PCDHGA5: variants seen among roughly 807,000 people sequenced by gnomAD.
PCDHGA5 encodes the protein protocadherin gamma subfamily A, 5.
A neutral mutation model predicts 56.7 loss-of-function variants in PCDHGA5; 36 were observed. The ratio of observed to expected loss-of-function variants is 0.64; its 90% confidence interval spans 0.49 to 0.84. PCDHGA5 has a LOEUF of 0.84. Among genes scored for constraint, PCDHGA5 ranks in the 40% least tolerant of loss-of-function variants. The pLI, the probability that PCDHGA5 is intolerant of heterozygous loss-of-function variation, is 0.00. For synonymous variants in PCDHGA5, 563 were observed against 520.2 expected (o/e 1.08, Z -1.12); for missense variants, 1,305 against 1,201.5 (o/e 1.09, Z -1.27).
chr5:141,418,669 C>G, intron 1 of PCDHGA5: 1 of 1,614,018 alleles, frequency 6.2e-7, no homozygotes, highest in Non-Finnish European at 8.5e-7. Flanking sequence ...CTGACCAGGA[C>G]GAGGGCATCA....
Position 141,365,163 on chromosome 5 carries a change from C to T in PCDHGA5, c.833C>T (p.Thr278Ile), listed in dbSNP as rs1383856831. 6.2e-7 allele frequency: 1 copy of T among 1,613,918 alleles called. No homozygotes were observed. The highest frequency in any genetic ancestry group is 1.1e-5 in the South Asian group (1 of 91,080). The change falls in exon 1 of 4, where the codon ACC (threonine) becomes ATC (isoleucine). Residue 278 changes from threonine (T) to isoleucine (I), a missense_variant. Coordinates refer to ENST00000518069, the MANE Select transcript of PCDHGA5 (RefSeq NM_018918.3). ...GATGAGGGAATAAACGGGAAATTGA[C>T]CTACTCTTTTCGCAATGAAGAAGAA... is the stretch of plus-strand genomic sequence containing the variant. ...DPDEGINGKL[T>I]YSFRNEEEKI...
intron 1 of PCDHGA5, chr5:141,409,921 G>T (rs767370997): frequency 6.2e-7 from 1 of 1,613,404 alleles, no homozygotes; most frequent in Admixed American, 1.7e-5. Context: ...ACGGCTCCGC[G>T]TTCTTCGATA....
intron 1 of PCDHGA5, chr5:141,475,966 A>T (rs1252698069): frequency 2.3e-6 from 2 of 888,664 alleles, no homozygotes; most frequent in Admixed American, 5.2e-5. Flanking sequence ...GGGATGAGGC[A>T]GAGACTGAAC....
chr5:141,506,742 A>G (rs1475692668), intron 3 of PCDHGA5, among the ~76,000 whole-genome samples: 5 of 152,172 alleles, frequency 3.3e-5, no homozygotes, highest in Non-Finnish European at 7.3e-5. Context: ...AATGCCTATT[A>G]ATAAAGACTA....
intron 2 of PCDHGA5, among the ~76,000 whole-genome samples, chr5:141,504,621 T>A (rs1185981312): frequency 7.9e-6 from 1 of 126,856 alleles, no homozygotes; most frequent in Non-Finnish European, 1.6e-5. Flanking sequence ...GATAGGAAAG[T>A]GCACCTTGGA....
rs779871354 is a variant in PCDHGA5 at position 141,428,131 on chromosome 5, G to A, written c.2421+61380G>A. 8.7e-6 allele frequency: 14 copies of A among 1,602,720 alleles called. No homozygotes were observed. The South Asian group carries it at 1.5e-4, about 18-fold the overall frequency. On this transcript the variant is annotated intron_variant, in intron 1 of 3. Transcript: ENST00000518069. ...CAGGCCATCGAGCCCGGGCTTTTCA[G>A]CCTGGGGCTGCACACGGGAACCTGC...
chr5:141,368,427 C>T (rs1228865676), intron 1 of PCDHGA5, among the ~76,000 whole-genome samples: 1 of 151,790 alleles, frequency 6.6e-6, no homozygotes, highest in Non-Finnish European at 1.5e-5. Context: ...ACATTCTGAC[C>T]AAAATGTAAA....
chr5:141,439,625 CCA>C (rs1281773200), intron 1 of PCDHGA5, among the ~76,000 whole-genome samples: 1 of 152,150 alleles, frequency 6.6e-6, no homozygotes, highest in African/African-American at 2.4e-5. Flanking sequence ...GAGCCAATCC[CCA>C]GACATTCCGG....
rs192201180 is a variant in PCDHGA5 at position 141,364,242 on chromosome 5, G to T, written c.-89G>T. On this transcript the variant is annotated 5_prime_UTR_variant, in exon 1 of 4. Coordinates refer to ENST00000518069, the MANE Select transcript of PCDHGA5 (RefSeq NM_018918.3). ...AAGCCAACGCTCCACGCCCATTTTCGTCAGGGAATATGTACCCATCGGCTT... is the reference window on the plus strand; with the variant it reads ...AAGCCAACGCTCCACGCCCATTTTCTTCAGGGAATATGTACCCATCGGCTT... 1.4e-6 allele frequency: 2 copies of T among 1,451,340 alleles called. No individual in the cohort carries two copies. Among genetic ancestry groups the T allele is most frequent in the South Asian group, 3.0e-5 (2 of 65,994 alleles). 89.9% of individuals were successfully genotyped at this position (1,451,340 alleles called of 1,614,324 possible). A position where few individuals can be genotyped will look rare whatever the true frequency, so the allele number is the denominator to read the frequency against.
intron 1 of PCDHGA5, among the ~76,000 whole-genome samples, chr5:141,474,250 A>G (rs2099346141): frequency 6.6e-6 from 1 of 152,236 alleles, no homozygotes; most frequent in East Asian, 1.9e-4. Flanking sequence ...GGGGAAAAAA[A>G]GACTGATAAA....
At chr5:141,375,035 G>A (rs541605714) in intron 1 of PCDHGA5, 1 of 1,614,008 alleles carries the variant, frequency 6.2e-7, no homozygotes, top group East Asian at 2.2e-5. Flanking sequence ...TTATGAGCTG[G>A]GTGTTGAAGC....
chr5:141,372,689 T>C (rs1465173410), intron 1 of PCDHGA5: 1 of 1,614,032 alleles, frequency 6.2e-7, no homozygotes. Flanking sequence ...ACACCGAGTT[T>C]AAATTTCTCA....
chr5:141,425,243 G>T (rs2096863760), intron 1 of PCDHGA5, among the ~76,000 whole-genome samples: 1 of 152,132 alleles, frequency 6.6e-6, no homozygotes, highest in Non-Finnish European at 1.5e-5. Flanking sequence ...AAATAAAAAG[G>T]ATATGAGGTA....
At position 141,505,908 on chromosome 5, in the gene PCDHGA5, T is replaced by C. The variant is rs114551975; in HGVS notation, c.2569+427T>C. On this transcript the variant is annotated intron_variant, in intron 3 of 3. Coordinates refer to ENST00000518069, the MANE Select transcript of PCDHGA5 (RefSeq NM_018918.3). ...TTAAATGAGATGATACCACAAAGCATAGAGTTCTGGGCCTGGCGCTTGGAA... is the reference window on the plus strand; with the variant it reads ...TTAAATGAGATGATACCACAAAGCACAGAGTTCTGGGCCTGGCGCTTGGAA... 4.0e-3 allele frequency among the ~76,000 whole-genome samples: 608 copies of C among 152,218 alleles called. 3 individuals are homozygous for C. The highest frequency in any genetic ancestry group is 0.013 in the African/African-American group (551 of 41,540).
At chr5:141,423,501 C>T (rs2096747990) in intron 1 of PCDHGA5, 1 of 1,613,990 alleles carries the variant, frequency 6.2e-7, no homozygotes, top group Non-Finnish European at 8.5e-7. Context: ...CCCACGAGGT[C>T]TCTCTCATTG....
At chr5:141,418,316 A>G in intron 1 of PCDHGA5, 1 of 1,614,026 alleles carries the variant, frequency 6.2e-7, no homozygotes, top group Non-Finnish European at 8.5e-7. Context: ...GATGGGAACA[A>G]TTCTTGAGTC....
At chr5:141,505,353 G>A (rs376781305) in intron 2 of PCDHGA5, 40 bp from the exon 3 acceptor site, 51 of 1,613,426 alleles carry the variant, frequency 3.2e-5, no homozygotes, top group East Asian at 2.7e-4. Flanking sequence ...GAGCTGTGCC[G>A]GCCTGGGAGT....
intron 1 of PCDHGA5, chr5:141,387,968 G>A (rs1169859236): frequency 7.4e-6 from 11 of 1,489,402 alleles, no homozygotes; most frequent in Non-Finnish European, 9.9e-6. Flanking sequence ...TCTGCCCGGC[G>A]CTCTGTGAGC....
chr5:141,469,296 A>T (rs2099196287), intron 1 of PCDHGA5, among the ~76,000 whole-genome samples: 1 of 149,742 alleles, frequency 6.7e-6, no homozygotes, highest in Non-Finnish European at 1.5e-5. Context: ...AACAAAATAG[A>T]CTGGGCACGA....
Sources: gnomAD v4.1 joint callset for allele counts (sites outside exome capture counted in the v4.1 genomes callset) on GRCh38, gnomAD v4.1.1 for gene constraint, MANE v1.5 for transcripts, NCBI Gene and HGNC (gene_info 2026-07-23, HGNC 2026-07-21) for gene names.